Variants in CPQ observed in about 807,000 individuals in gnomAD.
The protein encoded by CPQ is Ser-Met dipeptidase.
Under a neutral mutation model 45.7 loss-of-function variants are expected in CPQ, and 37 were observed. The ratio of observed to expected loss-of-function variants is 0.81; its 90% CI spans 0.62 to 1.07. The LOEUF is 1.07. Ranked by LOEUF, CPQ falls within the 50% of genes least tolerant of loss-of-function variation. The pLI is 0.00. For missense variants in CPQ, 537 were observed against 572.9 expected (o/e 0.94, Z 0.64); for synonymous variants, 186 against 205.8 (o/e 0.90, Z 0.82).
intron 4 of CPQ, among the ~76,000 whole-genome samples, chr8:96,892,847 T>C (rs1812396211): frequency 6.6e-6 from 1 of 152,140 alleles, no homozygotes; most frequent in Non-Finnish European, 1.5e-5. Flanking sequence ...CAAAATGGGA[T>C]TTTCAAGCAG....
chr8:97,103,276 C>T (rs1811348004), intron 7 of CPQ, among the ~76,000 whole-genome samples: 1 of 152,160 alleles, frequency 6.6e-6, no homozygotes, highest in Non-Finnish European at 1.5e-5. Context: ...TCAACTTAAC[C>T]ACATTGACTA....
At chr8:96,797,399 A>G (rs1810945941) in intron 2 of CPQ, among the ~76,000 whole-genome samples, 1 of 152,196 alleles carries the variant, frequency 6.6e-6, no homozygotes, top group Non-Finnish European at 1.5e-5. Flanking sequence ...ACAATATGAT[A>G]TGGACTTTTT....
chr8:96,899,297 G>A (rs897630982), intron 4 of CPQ, among the ~76,000 whole-genome samples: 2 of 152,084 alleles, frequency 1.3e-5, no homozygotes, highest in African/African-American at 4.8e-5. Context: ...GTGACTTTTT[G>A]TATATTATTT....
chr8:97,059,072 G>A (rs1290711641), intron 6 of CPQ, among the ~76,000 whole-genome samples: 1 of 152,116 alleles, frequency 6.6e-6, no homozygotes, highest in Admixed American at 6.6e-5. Flanking sequence ...TTTTTGGTAA[G>A]CTTAAGAGTT....
rs145221540 is a variant in CPQ at position 96,785,257 on chromosome 8, T to C, written c.360T>C (p.Ala120=). 1,059 of 1,613,560 alleles carry C rather than the reference T, an allele frequency of 6.6e-4. 6 individuals are homozygous for C. The African/African-American group carries it at 0.012, about 19-fold the overall frequency. ...IPHWERGEES[A]VMLEPRIHKI... ...ACTGGGAGAGGGGAGAAGAATCAGC[T>C]GTGATGCTGGAGCCAAGAATTCATA... Residue 120 remains alanine (A), a synonymous_variant, in exon 2 of 8, where the codon GCT becomes GCC. Coordinates refer to ENST00000220763, the MANE Select transcript of CPQ (RefSeq NM_016134.4).
intron 7 of CPQ, among the ~76,000 whole-genome samples, chr8:97,090,358 T>C (rs1433104722): frequency 6.6e-6 from 1 of 152,262 alleles, no homozygotes; most frequent in African/African-American, 2.4e-5. Flanking sequence ...GGTGTAGTTA[T>C]ATAAGTAAAA....
rs541829817 is a variant in CPQ, at chr8:96,986,463, AT to A, written c.961+20426del. ...TAGTGCCTTAGAAAATTTTATACGG[AT>A]TTTTTTTTGCAACTATTAAGCAGTT... On this transcript the variant is annotated intron_variant, in intron 5 of 7. Coordinates refer to ENST00000220763, the MANE Select transcript of CPQ (RefSeq NM_016134.4). Among the ~76,000 whole-genome samples the A allele has an allele frequency of 7.4e-4, 112 of 151,378 alleles. No individual in the cohort carries two copies. In the South Asian group the frequency reaches 0.012, roughly 16 times the overall value.
chr8:97,141,254 G>A (rs574135724), intron 7 of CPQ, among the ~76,000 whole-genome samples: 3 of 151,988 alleles, frequency 2.0e-5, no homozygotes, highest in Non-Finnish European at 2.9e-5. Context: ...AAAGAGATGA[G>A]CCACAAACTG....
chr8:96,953,907 G>C (rs897550906), intron 4 of CPQ, among the ~76,000 whole-genome samples: 1 of 151,888 alleles, frequency 6.6e-6, no homozygotes, highest in Non-Finnish European at 1.5e-5. Context: ...TGTGCTTCAG[G>C]ATATTTTACA....
chr8:96,798,294 T>C (rs1414360432), intron 2 of CPQ, among the ~76,000 whole-genome samples: 1 of 151,558 alleles, frequency 6.6e-6, no homozygotes, highest in Non-Finnish European at 1.5e-5. Context: ...CACACCTGGC[T>C]AATTTTTCGA....
chr8:96,707,325 A>T (rs1011708266), intron 1 of CPQ, among the ~76,000 whole-genome samples: 1 of 152,148 alleles, frequency 6.6e-6, no homozygotes, highest in Admixed American at 6.6e-5. Context: ...TTTAATTTCA[A>T]TTTAACTAAC....
At chr8:96,759,081 A>G (rs542745597) in intron 1 of CPQ, among the ~76,000 whole-genome samples, 1 of 152,276 alleles carries the variant, frequency 6.6e-6, no homozygotes, top group Non-Finnish European at 1.5e-5. Context: ...TGGAGTTCTC[A>G]TCTTCTTGCT....
chr8:97,074,988 A>G (rs1290640274), intron 7 of CPQ, among the ~76,000 whole-genome samples: 1 of 152,124 alleles, frequency 6.6e-6, no homozygotes, highest in Non-Finnish European at 1.5e-5. Context: ...TGATGCGAAG[A>G]TACCGGAACG....
chr8:96,814,370 C>A (rs559744381), intron 2 of CPQ, among the ~76,000 whole-genome samples: 6 of 152,136 alleles, frequency 3.9e-5, no homozygotes, highest in Non-Finnish European at 7.4e-5. Flanking sequence ...CTAGAAAGAC[C>A]AGAAGCTGGA....
At chr8:96,946,829 T>G (rs891467961) in intron 4 of CPQ, among the ~76,000 whole-genome samples, 1 of 152,144 alleles carries the variant, frequency 6.6e-6, no homozygotes, top group Non-Finnish European at 1.5e-5. Context: ...GAGCTTCATG[T>G]GGCCAGCTCT....
intron 7 of CPQ, among the ~76,000 whole-genome samples, chr8:97,100,754 AC>A (rs904820024): frequency 1.3e-5 from 2 of 152,086 alleles, no homozygotes; most frequent in African/African-American, 4.8e-5. Context: ...GTTCTGGTTG[AC>A]CTTTTGATTG....
At chr8:96,664,746 G>A (rs1586349970) in intron 1 of CPQ, among the ~76,000 whole-genome samples, 1 of 152,308 alleles carries the variant, frequency 6.6e-6, no homozygotes, top group East Asian at 1.9e-4. Context: ...AAAGTTGTGA[G>A]CCAAGATTAA....
chr8:97,042,268 T>G (rs1810141565), intron 6 of CPQ, among the ~76,000 whole-genome samples: 1 of 152,050 alleles, frequency 6.6e-6, no homozygotes, highest in African/African-American at 2.4e-5. Flanking sequence ...CTAGTTTATT[T>G]GCGTAAAGGT....
At chr8:96,843,751 A>G (rs977523359) in intron 3 of CPQ, among the ~76,000 whole-genome samples, 4 of 152,228 alleles carry the variant, frequency 2.6e-5, no homozygotes, top group African/African-American at 7.2e-5. Context: ...ATTCATAGAC[A>G]TTGAATAATA....
Sources: gnomAD v4.1 joint callset for allele counts (sites outside exome capture counted in the v4.1 genomes callset) on GRCh38, gnomAD v4.1.1 for gene constraint, MANE v1.5 for transcripts, NCBI Gene and HGNC (gene_info 2026-07-23, HGNC 2026-07-21) for gene names.